ARL9: variants seen among roughly 807,000 people sequenced by gnomAD.
The protein encoded by ARL9 is ADP-ribosylation factor-like protein 9.
ARL9 carries 14 observed loss-of-function variants against 27.0 expected under a neutral mutation model. That is an observed-to-expected ratio of 0.52 (90% confidence interval 0.34 to 0.81). The LOEUF (loss-of-function observed/expected upper bound fraction) is 0.81, where lower values mean the gene tolerates loss of function less well. Ranked by LOEUF, ARL9 falls within the 30% of genes least tolerant of loss-of-function variation. ARL9 has a pLI of 0.01. For synonymous variants in ARL9, 106 were observed against 108.7 expected (o/e 0.98, Z 0.15); for missense variants, 294 against 290.0 (o/e 1.01, Z -0.10).
chr4:56,509,875 T>G (rs1396739029), intron 1 of ARL9, among the ~76,000 whole-genome samples: 2 of 151,734 alleles, frequency 1.3e-5, no homozygotes, highest in Non-Finnish European at 1.5e-5. Flanking sequence ...GCCTGGCTAA[T>G]TTTTTGTATT....
chr4:56,510,224 A>G (rs1721596620), intron 1 of ARL9, among the ~76,000 whole-genome samples: 1 of 151,488 alleles, frequency 6.6e-6, no homozygotes, highest in Admixed American at 6.6e-5. Context: ...GCGTGGTGGC[A>G]TGCTCCTGTA....
chr4:56,507,704 T>C (rs1721504311), intron 1 of ARL9, among the ~76,000 whole-genome samples: 1 of 150,846 alleles, frequency 6.6e-6, no homozygotes, highest in East Asian at 2.0e-4. Flanking sequence ...GCCGGCGCAG[T>C]GGCTCACACC....
chr4:56,518,465 T>C (rs1207058145), intron 2 of ARL9, among the ~76,000 whole-genome samples: 1 of 152,212 alleles, frequency 6.6e-6, no homozygotes, highest in East Asian at 1.9e-4. Context: ...GATACAGTTA[T>C]GAATGAACCA....
intron 3 of ARL9, among the ~76,000 whole-genome samples, chr4:56,522,150 G>A (rs1157488950): frequency 6.6e-6 from 1 of 152,064 alleles, no homozygotes; most frequent in Non-Finnish European, 1.5e-5. Context: ...GACATGCACA[G>A]TGGCCCATGC....
chr4:56,506,114 C>T lies in ARL9; in HGVS notation c.252C>T (p.Thr84=). 8.1e-7 allele frequency: 1 copy of T among 1,233,630 alleles called. No homozygotes were observed. The highest frequency in any genetic ancestry group is 1.0e-6 in the Non-Finnish European group (1 of 989,204). 76.4% of individuals were successfully genotyped at this position (1,233,630 alleles called of 1,614,324 possible). A position where few individuals can be genotyped will look rare whatever the true frequency, so the allele number is the denominator to read the frequency against. The change falls in exon 1 of 4, where the codon ACC becomes ACT. Residue 84 remains threonine (T), a synonymous_variant. Transcript: ENST00000640821. ...QEEKGENKDS[T]LTRTPLEPLE... ...AGAAAGGGGAGAACAAGGACAGCACCTTGACAAGGACCCCGCTCGAGCCGC... is the reference window on the plus strand; with the variant it reads ...AGAAAGGGGAGAACAAGGACAGCACTTTGACAAGGACCCCGCTCGAGCCGC...
chr4:56,506,102 C>A lies in ARL9; in HGVS notation c.240C>A (p.Asn80Lys). ...QFKGQEEKGE[N>K]KDSTLTRTPL... ...AGGGACAAGAAGAGAAAGGGGAGAA[C>A]AAGGACAGCACCTTGACAAGGACCC... The change falls in exon 1 of 4, where the codon AAC becomes AAA. Residue 80 changes from asparagine to lysine, a missense_variant. Transcript: ENST00000640821. The A allele has an allele frequency of 8.1e-7, 1 of 1,233,986 alleles. No individual in the cohort carries two copies. The highest frequency in any genetic ancestry group is 1.0e-6 in the Non-Finnish European group (1 of 989,452). The allele number at this position is 1,233,986 out of a possible 1,614,324, so 76.4% of individuals were successfully genotyped here. A position where few individuals can be genotyped will look rare whatever the true frequency, so the allele number is the denominator to read the frequency against.
At chr4:56,506,306 C>A (rs571290361) in intron 1 of ARL9, among the ~76,000 whole-genome samples, 165 bp downstream of exon 1, 13 of 152,258 alleles carry the variant, frequency 8.5e-5, no homozygotes, top group Non-Finnish European at 1.8e-4. Flanking sequence ...AAACTTTGAA[C>A]GACCCATCCC....
intron 2 of ARL9, among the ~76,000 whole-genome samples, chr4:56,516,279 TTA>T (rs1334174950): frequency 1.3e-5 from 2 of 152,102 alleles, no homozygotes; most frequent in East Asian, 3.8e-4. Flanking sequence ...TAGACTATCC[TTA>T]TGACTTCAGG....
intron 2 of ARL9, among the ~76,000 whole-genome samples, chr4:56,515,061 T>A (rs181597490): frequency 2.6e-4 from 39 of 152,136 alleles, no homozygotes; most frequent in Admixed American, 3.9e-4. Context: ...AAGATCAACC[T>A]GGCCCAACAT....
intron 2 of ARL9, among the ~76,000 whole-genome samples, chr4:56,516,275 A>G (rs1250088036): frequency 6.6e-6 from 1 of 152,198 alleles, no homozygotes; most frequent in Non-Finnish European, 1.5e-5. Flanking sequence ...AATATAGACT[A>G]TCCTTATGAC....
chr4:56,509,241 C>G (rs1355011673), intron 1 of ARL9, among the ~76,000 whole-genome samples: 2 of 143,620 alleles, frequency 1.4e-5, no homozygotes, highest in Non-Finnish European at 3.0e-5. Context: ...GTCTGTATCA[C>G]CCAGGCTGGA....
At chr4:56,509,399 C>T (rs1005531415) in intron 1 of ARL9, among the ~76,000 whole-genome samples, 2 of 151,514 alleles carry the variant, frequency 1.3e-5, no homozygotes, top group Admixed American at 1.3e-4. Flanking sequence ...AGGGTTATGC[C>T]GTGATAGCCA....
chr4:56,512,538 C>CTT (rs34744797), intron 2 of ARL9, among the ~76,000 whole-genome samples: 11 of 130,058 alleles, frequency 8.5e-5, no homozygotes, highest in South Asian at 2.5e-4. Flanking sequence ...ATCAATCATT[C>CTT]TTTTTTTTTT....
At chr4:56,505,558 AAC>A (rs2110138692), upstream of ARL9, 1 of 577,882 alleles carries the variant, frequency 1.7e-6, no homozygotes, top group South Asian at 1.6e-5. Context: ...TACCCCGCCG[AAC>A]TGTCCCACGT....
At position 56,524,093 on chromosome 4, in the gene ARL9, G is replaced by A; in HGVS notation, c.*217G>A. 2.3e-6 allele frequency: 1 copy of A among 441,814 alleles called. No homozygotes were observed. Among genetic ancestry groups the A allele is most frequent in the Non-Finnish European group, 4.0e-6 (1 of 251,346 alleles). 27.4% of individuals were successfully genotyped at this position (441,814 alleles called of 1,614,324 possible). ...ACATTCAAAAAGTAAACCCACTGAA[G>A]AATAATAACACAACAATAAAAATAA... On this transcript the variant is annotated 3_prime_UTR_variant, in exon 4 of 4. Coordinates refer to ENST00000640821, the MANE Select transcript of ARL9 (RefSeq NM_001363794.2).
Position 56,519,394 on chromosome 4 carries a change from G to A in ARL9, c.618+541G>A, listed in dbSNP as rs112596119. Among the ~76,000 whole-genome samples, 1,261 of 152,192 alleles carry A rather than the reference G, an allele frequency of 8.3e-3. 18 individuals carry two copies. Among genetic ancestry groups the A allele is most frequent in the African/African-American group, 0.029 (1,194 of 41,516 alleles). ...TGGGAGGGCAGGGGTGGGGGATCACGAGGTCAGGAGATTTAGACCATCCTG... is the reference window on the plus strand; with the variant it reads ...TGGGAGGGCAGGGGTGGGGGATCACAAGGTCAGGAGATTTAGACCATCCTG... On this transcript the variant is annotated intron_variant, in intron 3 of 3. Coordinates refer to ENST00000640821, the MANE Select transcript of ARL9 (RefSeq NM_001363794.2).
rs949457557 is a variant in ARL9, at chr4:56,508,226, T to C, written c.279+2085T>C. On this transcript the variant is annotated intron_variant, in intron 1 of 3. Transcript: ENST00000640821. Reference sequence around the variant, plus strand: ...CATCCAATGAAGTCTCCCTTGCCCCTCTTCCTTACCTTGACACACTCTCAG... The same window carrying C: ...CATCCAATGAAGTCTCCCTTGCCCCCCTTCCTTACCTTGACACACTCTCAG... 2.0e-5 allele frequency among the ~76,000 whole-genome samples: 3 copies of C among 152,230 alleles called. No homozygotes were observed. In the East Asian group the frequency reaches 5.8e-4, roughly 29 times the overall value.
At chr4:56,514,967 T>C (rs1259054440) in intron 2 of ARL9, among the ~76,000 whole-genome samples, 2 of 152,074 alleles carry the variant, frequency 1.3e-5, no homozygotes, top group Non-Finnish European at 2.9e-5. Flanking sequence ...ATTTGAAAAA[T>C]AGCCAGGTGT....
intron 3 of ARL9, among the ~76,000 whole-genome samples, chr4:56,519,541 C>T (rs537136129): frequency 2.0e-5 from 3 of 151,896 alleles, no homozygotes; most frequent in South Asian, 2.1e-4. Flanking sequence ...ACCTGGGAGG[C>T]GGAGATTGCA....
Sources: gnomAD v4.1 joint callset for allele counts (sites outside exome capture counted in the v4.1 genomes callset) on GRCh38, gnomAD v4.1.1 for gene constraint, MANE v1.5 for transcripts, NCBI Gene and HGNC (gene_info 2026-07-23, HGNC 2026-07-21) for gene names.